The following ZNF552 variants were observed in gnomAD, a reference collection of about 807,000 sequenced individuals.
The protein encoded by ZNF552 is zinc finger protein 552.
ZNF552 carries 2 observed loss-of-function variants against 7.2 expected under a neutral mutation model. The observed-to-expected ratio is 0.28, with a 90% CI of 0.11 to 0.88. The LOEUF is 0.88. Among genes scored for constraint, ZNF552 ranks in the 40% least tolerant of loss-of-function variants. The pLI is 0.60. For synonymous variants in ZNF552, 173 were observed against 176.5 expected, an observed-to-expected ratio of 0.98 and a Z score of 0.16; for missense variants, 421 against 493.4, an observed-to-expected ratio of 0.85 and a Z score of 1.39.
intron 2 of ZNF552, among the ~76,000 whole-genome samples, chr19:57,812,773 C>T (rs935891178): frequency 2.0e-5 from 3 of 152,088 alleles, no homozygotes; most frequent in African/African-American, 7.2e-5. Context: ...TTCACCATGT[C>T]GGCCAGGCTG....
intron 2 of ZNF552, chr19:57,813,027 C>T (rs1282578463): frequency 2.0e-6 from 1 of 493,804 alleles, no homozygotes. Context: ...GATGAAATCA[C>T]ACAAACATCC....
Position 57,814,697 on chromosome 19 carries a change from G to C in ZNF552, c.33+14C>G. On this transcript the variant is annotated intron_variant, in intron 1 of 2. Transcript: ENST00000391701. Reference sequence around the variant, plus strand: ...TAGGAGGTGACCGGAGAGCACGGAAGGCGCCACAATTACCTGAACGGGGAA... The same window carrying C: ...TAGGAGGTGACCGGAGAGCACGGAACGCGCCACAATTACCTGAACGGGGAA... 5 of 1,614,134 alleles carry C rather than the reference G, an allele frequency of 3.1e-6. No homozygotes were observed. Among genetic ancestry groups the C allele is most frequent in the Non-Finnish European group, 4.2e-6 (5 of 1,180,036 alleles).
At chr19:57,813,906 G>A (rs1226050638) in intron 1 of ZNF552, among the ~76,000 whole-genome samples, 1 of 152,038 alleles carries the variant, frequency 6.6e-6, no homozygotes, top group African/African-American at 2.4e-5. Flanking sequence ...ACCACGCCTG[G>A]CTAATTTTGT....
At chr19:57,813,521 G>T (rs1336009264) in intron 1 of ZNF552, 101 bp from the exon 2 acceptor site, 4 of 1,443,290 alleles carry the variant, frequency 2.8e-6, no homozygotes, top group Non-Finnish European at 3.8e-6. Context: ...TCCTCTCAAG[G>T]TCCTCAAACA....
At chr19:57,811,964 G>A (rs1201337633) in intron 2 of ZNF552, among the ~76,000 whole-genome samples, 1 of 148,558 alleles carries the variant, frequency 6.7e-6, no homozygotes, top group Admixed American at 6.8e-5. Context: ...GGGAGGTGGA[G>A]GTTGCAGTGA....
intron 1 of ZNF552, among the ~76,000 whole-genome samples, chr19:57,814,092 G>T (rs1485149566): frequency 6.6e-6 from 1 of 152,090 alleles, no homozygotes; most frequent in African/African-American, 2.4e-5. Flanking sequence ...AAAGGCCTGA[G>T]GGAAGAGGCT....
rs965121250 is a variant in ZNF552, at chr19:57,807,152, AAATCAATGGT to A, written c.*878_*887del. 2 of 152,260 alleles carry A rather than the reference AAATCAATGGT, an allele frequency of 1.3e-5. No individual in the cohort carries two copies. The highest frequency in any genetic ancestry group is 2.9e-5 in the Non-Finnish European group (2 of 68,046). The allele number at this position is 152,260 out of a possible 1,614,324, so 9.4% of individuals were successfully genotyped here. A position where few individuals can be genotyped will look rare whatever the true frequency, so the allele number is the denominator to read the frequency against. ...AATGGAAAGTATTATACAGCAGAGTAAATCAATGGTTGTCTGCATAGAGAAAAACTTTATA... is the reference window on the plus strand; with the variant it reads ...AATGGAAAGTATTATACAGCAGAGTATGTCTGCATAGAGAAAAACTTTATA... On this transcript the variant is annotated 3_prime_UTR_variant, in exon 3 of 3. Coordinates refer to ENST00000391701, the MANE Select transcript of ZNF552 (RefSeq NM_024762.3).
chr19:57,809,696 G>A (rs1987818344), intron 2 of ZNF552, among the ~76,000 whole-genome samples: 2 of 151,996 alleles, frequency 1.3e-5, no homozygotes, highest in African/African-American at 2.4e-5. Context: ...CAATTCTGAG[G>A]TTCTTAACAA....
chr19:57,808,049 C>T lies in ZNF552; in HGVS notation c.1215G>A (p.Lys405=), dbSNP rs1258665970. The T allele has an allele frequency of 3.1e-6, 5 of 1,608,944 alleles. No homozygotes were observed. The highest frequency in any genetic ancestry group is 4.2e-6 in the Non-Finnish European group (5 of 1,177,418). ...ACTGGACTCACTGCACTCATAAGCCCTTTCTTTTGTGAACTCTCTGATGAT... is the reference window on the plus strand; with the variant it reads ...ACTGGACTCACTGCACTCATAAGCCTTTTCTTTTGTGAACTCTCTGATGAT... The part of the protein sequence containing the change: ...LRHHQRVHKR[K]GL Residue 405 remains lysine (K), a synonymous_variant, in exon 3 of 3, where the codon AAG becomes AAA. Transcript: ENST00000391701.
chr19:57,814,645 C>T, intron 1 of ZNF552, 66 bp downstream of exon 1: 2 of 1,613,246 alleles, frequency 1.2e-6, no homozygotes. Context: ...AGGTGCCGCT[C>T]CCTCGCTGCT....
At chr19:57,810,867 C>A (rs969792485) in intron 2 of ZNF552, among the ~76,000 whole-genome samples, 2 of 152,250 alleles carry the variant, frequency 1.3e-5, no homozygotes, top group African/African-American at 4.8e-5. Context: ...TAGGAGAAAA[C>A]CGCCTTAGGG....
Position 57,814,859 on chromosome 19 carries a change from G to A in ZNF552, c.-116C>T, listed in dbSNP as rs372530870. 1.8e-6 allele frequency: 2 copies of A among 1,114,024 alleles called. No individual in the cohort carries two copies. Among genetic ancestry groups the A allele is most frequent in the Non-Finnish European group, 2.6e-6 (2 of 783,710 alleles). 69.0% of individuals were successfully genotyped at this position (1,114,024 alleles called of 1,614,324 possible). On this transcript the variant is annotated 5_prime_UTR_variant, in exon 1 of 3. Coordinates refer to ENST00000391701, the MANE Select transcript of ZNF552 (RefSeq NM_024762.3). The stretch of plus-strand genomic sequence containing the variant: ...ACCTCCTGGATCCAGTCACCACCAC[G>A]GTCCCAACACAGCGCTCCAAGGACT...
At chr19:57,809,252 G>A (rs778937213) in intron 2 of ZNF552, 149 bp from the exon 3 acceptor site, 24 of 1,531,622 alleles carry the variant, frequency 1.6e-5, no homozygotes, top group Non-Finnish European at 2.0e-5. Context: ...ATGGTGCTAT[G>A]TATTATTACT....
In ZNF552 at chr19:57,808,085, A is replaced by G. The variant is rs1296041178; in HGVS notation, c.1179T>C (p.Ser393=). 1.2e-6 allele frequency: 2 copies of G among 1,613,964 alleles called. No homozygotes were observed. Among genetic ancestry groups the G allele is most frequent in the Non-Finnish European group, 1.7e-6 (2 of 1,179,964 alleles). The change falls in exon 3 of 3, where the codon TCT becomes TCC. Residue 393 remains serine, a synonymous_variant. Coordinates refer to ENST00000391701, the MANE Select transcript of ZNF552 (RefSeq NM_024762.3). ...GAACTCTCTGATGATGACGAAGTGAAGAGATTTGCCTAAATTTTTTTTCAC... is the reference window on the plus strand; with the variant it reads ...GAACTCTCTGATGATGACGAAGTGAGGAGATTTGCCTAAATTTTTTTTCAC... ...SECEKKFRQI[S]SLRHHQRVHK... is the part of the protein sequence containing the mutation.
chr19:57,813,080 T>A, intron 2 of ZNF552: 3 of 710,296 alleles, frequency 4.2e-6, no homozygotes, highest in Non-Finnish European at 6.5e-6. Context: ...CCTGTAAGAC[T>A]TCTGACTCTG....
rs368969180 is a variant in ZNF552 at position 57,814,754 on chromosome 19, G to A, written c.-11C>T. On this transcript the variant is annotated 5_prime_UTR_variant, in exon 1 of 3. Transcript: ENST00000391701. ...CGCGGCCGCCGCCATGGGACCACGT[G>A]GGGTAAGCTGGGTTGAGAGCAGCGG... 6.2e-7 allele frequency: 1 copy of A among 1,613,556 alleles called. No individual in the cohort carries two copies. The highest frequency in any genetic ancestry group is 8.5e-7 in the Non-Finnish European group (1 of 1,179,912).
At position 57,809,266 on chromosome 19, in the gene ZNF552, C is replaced by G. The variant is rs185537385; in HGVS notation, c.161-163G>C. 8 of 1,501,416 alleles carry G rather than the reference C, an allele frequency of 5.3e-6. No individual in the cohort carries two copies. The East Asian group carries it at 1.7e-4, about 32-fold the overall frequency. The allele number at this position is 1,501,416 out of a possible 1,614,324, so 93.0% of individuals were successfully genotyped here. A position where few individuals can be genotyped will look rare whatever the true frequency, so the allele number is the denominator to read the frequency against. On this transcript the variant is annotated intron_variant, in intron 2 of 2. Transcript: ENST00000391701. ...GATGGTGCTATGTATTATTACTGGACTATAATGGTCACAGAATGTAGGAGG... is the reference window on the plus strand; with the variant it reads ...GATGGTGCTATGTATTATTACTGGAGTATAATGGTCACAGAATGTAGGAGG...
In ZNF552 at chr19:57,807,343, G is replaced by A. The variant is rs1987760534; in HGVS notation, c.*697C>T. 1 of 152,200 alleles carries A rather than the reference G, an allele frequency of 6.6e-6. No homozygotes were observed. The highest frequency in any genetic ancestry group is 6.5e-5 in the Admixed American group (1 of 15,276). 9.4% of individuals were successfully genotyped at this position (152,200 alleles called of 1,614,324 possible). A position where few individuals can be genotyped will look rare whatever the true frequency, so the allele number is the denominator to read the frequency against. On this transcript the variant is annotated 3_prime_UTR_variant, in exon 3 of 3. Transcript: ENST00000391701. ...AGAGGCCAAGGCGGGCAGATCACGA[G>A]GTCAGGAGATTGAGAACTTCCTGGC...
chr19:57,813,330 C>A lies in ZNF552; in HGVS notation c.124G>T (p.Val42Leu), dbSNP rs1325389550. 8 of 1,614,134 alleles carry A rather than the reference C, an allele frequency of 5.0e-6. No homozygotes were observed. The highest frequency in any genetic ancestry group is 3.3e-4 in the Middle Eastern group (2 of 6,062). Reference sequence around the variant, plus strand: ...ATAAGTGCCAGGTTCTCCAGCGTCACATCACGGTACAGGCATCTCTGAGCC... The same window carrying A: ...ATAAGTGCCAGGTTCTCCAGCGTCAAATCACGGTACAGGCATCTCTGAGCC... The part of the protein sequence containing the change: ...SEAQRCLYRD[V>L]TLENLALMSS... Residue 42 changes from valine (V) to leucine (L), a missense_variant, in exon 2 of 3, where the codon GTG (valine) becomes TTG (leucine). Physicochemically the swap from Val to Leu is conservative, Grantham distance 32 (BLOSUM62 1). This residue lies in a region of ZNF552 where 122 missense variants were observed against 199.7 expected (regional missense o/e 0.61). Coordinates refer to ENST00000391701, the MANE Select transcript of ZNF552 (RefSeq NM_024762.3).
Sources: gnomAD v4.1 joint callset for allele counts (sites outside exome capture counted in the v4.1 genomes callset) on GRCh38, gnomAD v4.1.1 for gene constraint, gnomAD v4.1.1 regional missense constraint, MANE v1.5 for transcripts, NCBI Gene and HGNC (gene_info 2026-07-23, HGNC 2026-07-21) for gene names.